NRXN3: variants seen among roughly 807,000 people sequenced by gnomAD.
The protein encoded by NRXN3 is neurexin III.
NRXN3 carries 32 observed loss-of-function variants against 137.6 expected under a neutral mutation model. The ratio of observed to expected loss-of-function variants is 0.23; its 90% CI spans 0.18 to 0.31. The LOEUF (loss-of-function observed/expected upper bound fraction) is 0.31, where lower values mean the gene tolerates loss of function less well. Among genes scored for constraint, NRXN3 ranks in the 10% least tolerant of loss-of-function variants. The pLI is 1.00. For synonymous variants in NRXN3, 798 were observed against 784.5 expected (o/e 1.02, Z -0.29); for missense variants, 1,574 against 2,062.5 (o/e 0.76, Z 4.59).
chr14:78,314,996 TC>T (rs2078524549), intron 4 of NRXN3, among the ~76,000 whole-genome samples: 2 of 7,920 alleles, frequency 2.5e-4, no homozygotes, highest in African/African-American at 1.4e-3. Flanking sequence ...CCTTTCTCTT[TC>T]TTTCTTTCTT....
chr14:79,008,100 G>T (rs1460177550), intron 15 of NRXN3, among the ~76,000 whole-genome samples: 3 of 151,992 alleles, frequency 2.0e-5, no homozygotes, highest in Non-Finnish European at 4.4e-5. Flanking sequence ...CATAAGAAGG[G>T]GTTATTCGGT....
At chr14:78,807,017 T>C (rs554418946) in intron 9 of NRXN3, among the ~76,000 whole-genome samples, 158 of 152,320 alleles carry the variant, frequency 1.0e-3, no homozygotes, top group Non-Finnish European at 1.2e-3. Context: ...CTAGAACCCA[T>C]GTCTCTAAAC....
chr14:78,943,625 T>TATATATATAA (rs1567778402), intron 10 of NRXN3, among the ~76,000 whole-genome samples: 5 of 11,064 alleles, frequency 4.5e-4, no homozygotes, highest in African/African-American at 1.4e-3. Context: ...AAAAAAAATA[T>TATATATATAA]ATATATATAT....
intron 1 of NRXN3, among the ~76,000 whole-genome samples, chr14:78,207,764 C>T (rs1418459784): frequency 3.3e-5 from 5 of 152,170 alleles, no homozygotes; most frequent in African/African-American, 4.8e-5. Flanking sequence ...TCCACTTGTT[C>T]CTCTGTGTCT....
chr14:78,287,959 C>T (rs1333590114), intron 3 of NRXN3, among the ~76,000 whole-genome samples: 1 of 151,988 alleles, frequency 6.6e-6, no homozygotes, highest in African/African-American at 2.4e-5. Flanking sequence ...CAGTTCAGTT[C>T]ATTATAGAGT....
intron 4 of NRXN3, among the ~76,000 whole-genome samples, chr14:78,597,515 G>A (rs144298631): frequency 0.011 from 1,664 of 152,210 alleles, 12 homozygotes; most frequent in South Asian, 0.026. Context: ...TGGGGTACAG[G>A]AAAGAATATA....
intron 19 of NRXN3, among the ~76,000 whole-genome samples, chr14:79,753,559 G>A (rs1465919193): frequency 8.7e-6 from 1 of 115,258 alleles, no homozygotes; most frequent in East Asian, 3.0e-4. Context: ...ATCACACTCT[G>A]GGGACTGTTG....
intron 17 of NRXN3, among the ~76,000 whole-genome samples, chr14:79,688,774 A>T (rs112123756): frequency 6.6e-6 from 1 of 152,172 alleles, no homozygotes; most frequent in African/African-American, 2.4e-5. Context: ...TGCTTGTTGC[A>T]CACGTCTCCA....
chr14:79,089,599 A>G (rs1313220572), intron 15 of NRXN3, among the ~76,000 whole-genome samples: 4 of 152,190 alleles, frequency 2.6e-5, no homozygotes, highest in Non-Finnish European at 1.5e-5. Flanking sequence ...AAGAAACACT[A>G]AACTCGCACC....
intron 1 of NRXN3, among the ~76,000 whole-genome samples, chr14:78,182,563 G>A (rs1595671183): frequency 6.6e-6 from 1 of 152,142 alleles, no homozygotes; most frequent in Non-Finnish European, 1.5e-5. Context: ...TCTGCCTGCC[G>A]GGTTCAAGCG....
intron 4 of NRXN3, among the ~76,000 whole-genome samples, chr14:78,629,031 G>A (rs1014623194): frequency 6.6e-6 from 1 of 152,120 alleles, no homozygotes; most frequent in African/African-American, 2.4e-5. Flanking sequence ...TACCTAAATA[G>A]GTTGTTGTGA....
intron 15 of NRXN3, among the ~76,000 whole-genome samples, chr14:79,063,455 T>A (rs1000655634): frequency 8.5e-5 from 13 of 152,118 alleles, no homozygotes; most frequent in Non-Finnish European, 1.0e-4. Context: ...GGCTAATTTT[T>A]GTATTTTTAG....
chr14:79,190,434 C>A (rs541917234), intron 15 of NRXN3, among the ~76,000 whole-genome samples: 3 of 151,988 alleles, frequency 2.0e-5, no homozygotes, highest in Admixed American at 1.3e-4. Flanking sequence ...ATGATAAAGA[C>A]CTTAAGCTTT....
At chr14:79,340,050 C>T (rs1472120473) in intron 15 of NRXN3, among the ~76,000 whole-genome samples, 1 of 152,036 alleles carries the variant, frequency 6.6e-6, no homozygotes, top group Non-Finnish European at 1.5e-5. Context: ...CACAGTATGG[C>T]ATTAGATTGT....
At chr14:78,686,411 T>C (rs2098126308) in intron 6 of NRXN3, among the ~76,000 whole-genome samples, 1 of 152,186 alleles carries the variant, frequency 6.6e-6, no homozygotes, top group Non-Finnish European at 1.5e-5. Flanking sequence ...AGACAGCATC[T>C]CACTCACAGA....
At chr14:78,999,330 G>T (rs2099536808) in intron 15 of NRXN3, among the ~76,000 whole-genome samples, 1 of 152,116 alleles carries the variant, frequency 6.6e-6, no homozygotes, top group Non-Finnish European at 1.5e-5. Flanking sequence ...AAAGTATGAG[G>T]CAGTAGGAAA....
chr14:78,458,057 C>T (rs564050764), intron 4 of NRXN3, among the ~76,000 whole-genome samples: 1 of 152,256 alleles, frequency 6.6e-6, no homozygotes, highest in East Asian at 1.9e-4. Context: ...TAACTTTACT[C>T]TAGAATATGA....
intron 10 of NRXN3, among the ~76,000 whole-genome samples, chr14:78,920,824 T>C (rs2099269003): frequency 6.6e-6 from 1 of 152,192 alleles, no homozygotes; most frequent in Non-Finnish European, 1.5e-5. Flanking sequence ...TGAAGAGATG[T>C]ATTGGACAAA....
intron 16 of NRXN3, among the ~76,000 whole-genome samples, chr14:79,509,680 T>C (rs1219916225): frequency 6.6e-6 from 1 of 151,956 alleles, no homozygotes; most frequent in Non-Finnish European, 1.5e-5. Flanking sequence ...ATGTATTAAT[T>C]AGCTTGATTT....
Sources: allele counts gnomAD v4.1 joint callset (sites outside exome capture counted in the v4.1 genomes callset), GRCh38; gene constraint gnomAD v4.1.1; transcripts MANE v1.5; gene names NCBI Gene and HGNC (gene_info 2026-07-23, HGNC 2026-07-21).